Variants in ANGPTL3 observed in about 807,000 individuals in gnomAD.
The protein encoded by ANGPTL3 is angiopoietin-related protein 3.
A neutral mutation model predicts 52.7 loss-of-function variants in ANGPTL3; 51 were observed. That is an observed-to-expected ratio of 0.97 (90% CI 0.77 to 1.22). ANGPTL3 has a LOEUF of 1.22. Ranked by LOEUF, ANGPTL3 falls within the 50% of genes most tolerant of loss-of-function variation. The pLI is 0.00. For missense variants in ANGPTL3, 506 were observed against 520.7 expected (o/e 0.97, Z 0.27); for synonymous variants, 185 against 179.8 (o/e 1.03, Z -0.23).
rs1571742010 is a variant in ANGPTL3, at chr1:62,605,860, T to A, written c.*1043T>A. ...CCCTAAATCCCTAAATCCCTAAAGA[T>A]TAGATACAAATTTTTTACCACAGTA... is the stretch of plus-strand genomic sequence containing the variant. On this transcript the variant is annotated 3_prime_UTR_variant, in exon 7 of 7. Transcript: ENST00000371129. 2 of 152,148 alleles carry A rather than the reference T, an allele frequency of 1.3e-5. No homozygotes were observed. Among genetic ancestry groups the A allele is most frequent in the Admixed American group, 1.3e-4 (2 of 15,290 alleles). The allele number at this position is 152,148 out of a possible 1,614,324, so 9.4% of individuals were successfully genotyped here.
At chr1:62,600,927 T>C (rs1343273293) in intron 2 of ANGPTL3, 155 bp from the exon 3 acceptor site, 1 of 586,578 alleles carries the variant, frequency 1.7e-6, no homozygotes. Flanking sequence ...ACAGGTAATC[T>C]GTACAATCTG....
chr1:62,598,619 A>T, intron 1 of ANGPTL3, 77 bp from the exon 2 acceptor site: 1 of 791,704 alleles, frequency 1.3e-6, no homozygotes, highest in Non-Finnish European at 2.2e-6. Flanking sequence ...AAAAATTTAG[A>T]TTATGATAGT....
rs151064896 is a variant in ANGPTL3, at chr1:62,597,715, T to G, written c.149T>G (p.Leu50Arg). The G allele has an allele frequency of 6.2e-7, 1 of 1,613,566 alleles. No individual in the cohort carries two copies. The highest frequency in any genetic ancestry group is 1.3e-5 in the African/African-American group (1 of 75,008). The change falls in exon 1 of 7, where the codon CTC (leucine) becomes CGC (arginine). Residue 50 changes from leucine (L) to arginine (R), a missense_variant. Leu to Arg is a moderately radical substitution (Grantham distance 102, BLOSUM62 -2). Coordinates refer to ENST00000371129, the MANE Select transcript of ANGPTL3 (RefSeq NM_014495.4). ...GATGTAAAAATTTTAGCCAATGGCCTCCTTCAGTTGGGACATGGTCTTAAA... is the reference window on the plus strand; with the variant it reads ...GATGTAAAAATTTTAGCCAATGGCCGCCTTCAGTTGGGACATGGTCTTAAA... ...LDDVKILANG[L>R]LQLGHGLKDF...
Position 62,604,115 on chromosome 1 carries a change from C to T in ANGPTL3, c.1078C>T (p.Leu360=), listed in dbSNP as rs769937916. ...YLGNHETNYT[L]HLVAITGNVP... ...GGGAAATCACGAAACCAACTATACG[C>T]TACATCTAGTTGCGATTACTGGCAA... Residue 360 remains leucine (L), a synonymous_variant, in exon 6 of 7, where the codon CTA becomes TTA. Transcript: ENST00000371129. The T allele has an allele frequency of 3.7e-6, 6 of 1,613,398 alleles. No homozygotes were observed. The highest frequency in any genetic ancestry group is 1.7e-5 in the Admixed American group (1 of 59,946).
chr1:62,603,914 T>C, intron 5 of ANGPTL3, 55 bp from the exon 6 acceptor site: 1 of 1,558,246 alleles, frequency 6.4e-7, no homozygotes, highest in Non-Finnish European at 8.8e-7. Flanking sequence ...AAAAAAACTG[T>C]CAGTGTCCAA....
At chr1:62,600,942 A>G in intron 2 of ANGPTL3, 140 bp from the exon 3 acceptor site, 1 of 640,258 alleles carries the variant, frequency 1.6e-6, no homozygotes, top group Non-Finnish European at 2.9e-6. Flanking sequence ...AATCTGAATA[A>G]CACTGTTTAT....
At chr1:62,603,497 C>T (rs1418996414) in intron 5 of ANGPTL3, among the ~76,000 whole-genome samples, 1 of 151,562 alleles carries the variant, frequency 6.6e-6, no homozygotes. Flanking sequence ...ACAAAGAAAG[C>T]ATACATTAAG....
In ANGPTL3 at chr1:62,597,534, C is replaced by T. The variant is rs1352671389; in HGVS notation, c.-33C>T. 12 of 1,610,440 alleles carry T rather than the reference C, an allele frequency of 7.5e-6. No individual in the cohort carries two copies. Among genetic ancestry groups the T allele is most frequent in the Non-Finnish European group, 1.0e-5 (12 of 1,178,206 alleles). The stretch of plus-strand genomic sequence containing the variant: ...GGTCTGCTTCCAGAAGAAAACAGTT[C>T]CACGTTGCTTGAAATTGAAAATCAA... On this transcript the variant is annotated 5_prime_UTR_variant, in exon 1 of 7. Coordinates refer to ENST00000371129, the MANE Select transcript of ANGPTL3 (RefSeq NM_014495.4).
rs529100594 is a variant in ANGPTL3, at chr1:62,602,309, A to T, written c.860A>T (p.His287Leu). 3.1e-6 allele frequency: 5 copies of T among 1,610,622 alleles called. No individual in the cohort carries two copies. The highest frequency in any genetic ancestry group is 4.2e-6 in the Non-Finnish European group (5 of 1,177,510). ...GGTAGTCCATGGACATTAATTCAAC[A>T]TCGAATAGATGGATCACAAAACTTC... ...ISGSPWTLIQ[H>L]RIDGSQNFNE... The change falls in exon 5 of 7, where the codon CAT (histidine) becomes CTT (leucine). Residue 287 changes from histidine to leucine, a missense_variant. By Grantham distance (99) the His-to-Leu change is moderately conservative. Transcript: ENST00000371129.
At chr1:62,602,899 CTATTT>C (rs541516042) in intron 5 of ANGPTL3, among the ~76,000 whole-genome samples, 3 of 151,602 alleles carry the variant, frequency 2.0e-5, no homozygotes, top group African/African-American at 7.2e-5. Flanking sequence ...GCAAATTATT[CTATTT>C]TGATTACAAA....
rs1650778203 is a variant in ANGPTL3, at chr1:62,605,065, T to C, written c.*248T>C. ...TTGTGATGTGGGAATCAATTTTAGA[T>C]GGTCACAATCTAGATTATAATCAAT... On this transcript the variant is annotated 3_prime_UTR_variant, in exon 7 of 7. Coordinates refer to ENST00000371129, the MANE Select transcript of ANGPTL3 (RefSeq NM_014495.4). 2 of 424,676 alleles carry C rather than the reference T, an allele frequency of 4.7e-6. No individual in the cohort carries two copies. Among genetic ancestry groups the C allele is most frequent in the Non-Finnish European group, 8.5e-6 (2 of 234,740 alleles). The allele number at this position is 424,676 out of a possible 1,614,324, so 26.3% of individuals were successfully genotyped here. A position where few individuals can be genotyped will look rare whatever the true frequency, so the allele number is the denominator to read the frequency against.
intron 5 of ANGPTL3, 55 bp downstream of exon 5, chr1:62,602,435 G>A (rs1175590839): frequency 6.7e-6 from 10 of 1,492,948 alleles, no homozygotes; most frequent in Non-Finnish European, 9.3e-6. Flanking sequence ...AATATTTACT[G>A]AGAACCTCTT....
chr1:62,600,848 T>C (rs747125783), intron 2 of ANGPTL3, among the ~76,000 whole-genome samples: 15 of 151,956 alleles, frequency 9.9e-5, no homozygotes, highest in Non-Finnish European at 2.1e-4. Flanking sequence ...TTCCGACCAA[T>C]GTCTGCTTTT....
At chr1:62,599,885 T>C (rs1170587701) in intron 2 of ANGPTL3, among the ~76,000 whole-genome samples, 5 of 151,964 alleles carry the variant, frequency 3.3e-5, no homozygotes, top group Admixed American at 2.0e-4. Flanking sequence ...TAATATGCAG[T>C]ACAATAGTTT....
At position 62,604,063 on chromosome 1, in the gene ANGPTL3, A is replaced by G. The variant is rs1039212556; in HGVS notation, c.1026A>G (p.Lys342=). 6.2e-7 allele frequency: 1 copy of G among 1,613,210 alleles called. No individual in the cohort carries two copies. The highest frequency in any genetic ancestry group is 1.7e-5 in the Admixed American group (1 of 59,928). The change falls in exon 6 of 7, where the codon AAA becomes AAG. Residue 342 remains lysine, a synonymous_variant. Coordinates refer to ENST00000371129, the MANE Select transcript of ANGPTL3 (RefSeq NM_014495.4). ...AGTTGGAAGACTGGAAAGACAACAA[A>G]CATTATATTGAATATTCTTTTTACT... is the stretch of plus-strand genomic sequence containing the variant. ...RIELEDWKDN[K]HYIEYSFYLG...
Position 62,597,649 on chromosome 1 carries a change from C to T in ANGPTL3, c.83C>T (p.Ser28Phe), listed in dbSNP as rs1165491527. 6.2e-7 allele frequency: 1 copy of T among 1,613,316 alleles called. No individual in the cohort carries two copies. The highest frequency in any genetic ancestry group is 2.2e-5 in the East Asian group (1 of 44,828). The change falls in exon 1 of 7, where the codon TCT becomes TTT. Residue 28 changes from serine (S) to phenylalanine (F), a missense_variant. Coordinates refer to ENST00000371129, the MANE Select transcript of ANGPTL3 (RefSeq NM_014495.4). ...GATCAAGACAATTCATCATTTGATT[C>T]TCTATCTCCAGAGCCAAAATCAAGA... ...RIDQDNSSFD[S>F]LSPEPKSRFA...
Position 62,605,915 on chromosome 1 carries a change from A to AT in ANGPTL3, c.*1104dup, listed in dbSNP as rs1650922386. On this transcript the variant is annotated 3_prime_UTR_variant, in exon 7 of 7. Coordinates refer to ENST00000371129, the MANE Select transcript of ANGPTL3 (RefSeq NM_014495.4). ...TTGTCAGAATTTATTTTTAAATATG[A>AT]TTTTTTAAAACTGCCAGTAAGAAAT... 1.3e-5 allele frequency: 2 copies of AT among 152,000 alleles called. No individual in the cohort carries two copies. Among genetic ancestry groups the AT allele is most frequent in the African/African-American group, 4.8e-5 (2 of 41,422 alleles). 9.4% of individuals were successfully genotyped at this position (152,000 alleles called of 1,614,324 possible). A position where few individuals can be genotyped will look rare whatever the true frequency, so the allele number is the denominator to read the frequency against.
At chr1:62,604,531 CTG>C (rs1378619004) in intron 6 of ANGPTL3, 100 bp from the exon 7 acceptor site, 7 of 1,244,712 alleles carry the variant, frequency 5.6e-6, no homozygotes, top group East Asian at 2.4e-5. Flanking sequence ...ATCTAAAACA[CTG>C]TAATATTTAT....
chr1:62,598,604 A>T, intron 1 of ANGPTL3, 92 bp from the exon 2 acceptor site: 2 of 727,572 alleles, frequency 2.7e-6, no homozygotes, highest in Admixed American at 4.2e-5. Flanking sequence ...ATCCATTATT[A>T]GTTTAAAAAT....
Sources: gnomAD v4.1 joint callset for allele counts (sites outside exome capture counted in the v4.1 genomes callset) on GRCh38, gnomAD v4.1.1 for gene constraint, MANE v1.5 for transcripts, NCBI Gene and HGNC (gene_info 2026-07-23, HGNC 2026-07-21) for gene names.